Variants in ANKRD28 observed in about 807,000 individuals in gnomAD.
The protein encoded by ANKRD28 is serine/threonine-protein phosphatase 6 regulatory ankyrin repeat subunit A.
Under a neutral mutation model 126.5 loss-of-function variants are expected in ANKRD28, and 44 were observed. The observed-to-expected ratio is 0.35, with a 90% CI of 0.27 to 0.45. The LOEUF (loss-of-function observed/expected upper bound fraction) is 0.45. ANKRD28 is among the 20% of genes least tolerant of loss of function. The pLI is 1.00. For synonymous variants in ANKRD28, 442 were observed against 468.5 expected (o/e 0.94, Z 0.73); for missense variants, 1,110 against 1,316.6 (o/e 0.84, Z 2.43).
At chr3:15,698,494 T>C (rs1240589601) in intron 14 of ANKRD28, among the ~76,000 whole-genome samples, 2 of 152,178 alleles carry the variant, frequency 1.3e-5, no homozygotes, top group East Asian at 1.9e-4. Flanking sequence ...GAAAACCCCA[T>C]CGTCTCAGCT....
chr3:15,852,037 G>A (rs778153689), intron 1 of ANKRD28, among the ~76,000 whole-genome samples: 2 of 152,196 alleles, frequency 1.3e-5, no homozygotes, highest in South Asian at 2.1e-4. Flanking sequence ...AATAGTAGTC[G>A]TCAAGAAGCT....
At chr3:15,688,581 ATAGC>A (rs1248413449) in intron 18 of ANKRD28, among the ~76,000 whole-genome samples, 8 of 152,236 alleles carry the variant, frequency 5.3e-5, no homozygotes, top group Non-Finnish European at 2.9e-5. Flanking sequence ...TGAACATCTG[ATAGC>A]TTTGAAGGGC....
At chr3:15,713,862 T>C (rs79301701) in intron 9 of ANKRD28, among the ~76,000 whole-genome samples, 3,931 of 152,316 alleles carry the variant, frequency 0.026, 79 homozygotes, top group Non-Finnish European at 0.04. Flanking sequence ...AGTAGATTTT[T>C]AAATTGACAA....
At chr3:15,692,083 T>C (rs1190330844) in intron 17 of ANKRD28, among the ~76,000 whole-genome samples, 2 of 147,320 alleles carry the variant, frequency 1.4e-5, no homozygotes, top group South Asian at 2.1e-4. Context: ...CAGGCTGCAG[T>C]GAGCTGGGAA....
chr3:15,858,102 T>A (rs932855658), intron 1 of ANKRD28, among the ~76,000 whole-genome samples: 2 of 152,244 alleles, frequency 1.3e-5, no homozygotes, highest in Non-Finnish European at 2.9e-5. Flanking sequence ...GTCTGTCCTA[T>A]CCAATACAAT....
chr3:15,713,739 TAATA>T, intron 9 of ANKRD28, 98 bp from the exon 10 acceptor site: 1 of 645,924 alleles, frequency 1.5e-6, no homozygotes, highest in South Asian at 2.9e-5. Context: ...ACATACAAAC[TAATA>T]GATACAGCAA....
At chr3:15,700,739 A>C (rs2070457238) in intron 14 of ANKRD28, among the ~76,000 whole-genome samples, 1 of 152,118 alleles carries the variant, frequency 6.6e-6, no homozygotes, top group Non-Finnish European at 1.5e-5. Flanking sequence ...GCGCCACTGC[A>C]CTCCAGCCTG....
At chr3:15,799,862 T>C (rs960564505), upstream of ANKRD28, among the ~76,000 whole-genome samples, 1 of 152,074 alleles carries the variant, frequency 6.6e-6, no homozygotes, top group African/African-American at 2.4e-5. Flanking sequence ...TTCTTCCACC[T>C]ATAAATAATT....
intron 1 of ANKRD28, among the ~76,000 whole-genome samples, chr3:15,848,846 G>A (rs944998239): frequency 3.3e-5 from 5 of 152,070 alleles, no homozygotes; most frequent in South Asian, 4.2e-4. Flanking sequence ...ACTGAACACC[G>A]TACTGGAGGT....
intron 27 of ANKRD28, among the ~76,000 whole-genome samples, chr3:15,672,780 G>A (rs2066508184): frequency 6.6e-6 from 1 of 152,002 alleles, no homozygotes; most frequent in African/African-American, 2.4e-5. Context: ...TCCTCTGCAT[G>A]GGGGTTATTT....
chr3:15,780,608 G>C (rs1374364646), intron 2 of ANKRD28, among the ~76,000 whole-genome samples: 1 of 152,012 alleles, frequency 6.6e-6, no homozygotes, highest in Admixed American at 6.6e-5. Flanking sequence ...ACCATGAATA[G>C]TTAAAAACAA....
chr3:15,783,838 C>A (rs2059648359), intron 2 of ANKRD28, among the ~76,000 whole-genome samples: 1 of 151,844 alleles, frequency 6.6e-6, no homozygotes, highest in African/African-American at 2.4e-5. Flanking sequence ...CAGGAGAACA[C>A]TAACAGGAAA....
In ANKRD28 at chr3:15,686,139, G is replaced by A; in HGVS notation, c.2052-20C>T. 1 of 1,607,478 alleles carries A rather than the reference G, an allele frequency of 6.2e-7. No homozygotes were observed. The highest frequency in any genetic ancestry group is 8.5e-7 in the Non-Finnish European group (1 of 1,175,874). ...GGCGTCCTGAGCAACAACAGGAATA[G>A]GTTCAGTGCTGTCACTTAAGACTGT... On this transcript the variant is annotated intron_variant, in intron 19 of 27. Transcript: ENST00000683139.
intron 1 of ANKRD28, among the ~76,000 whole-genome samples, chr3:15,834,097 T>C (rs779791299): frequency 4.6e-5 from 7 of 152,176 alleles, no homozygotes; most frequent in Non-Finnish European, 8.8e-5. Flanking sequence ...GTCTCATTTG[T>C]GTATTTTTGT....
intron 2 of ANKRD28, among the ~76,000 whole-genome samples, chr3:15,768,948 A>T (rs2058873898): frequency 6.6e-6 from 1 of 152,222 alleles, no homozygotes; most frequent in Non-Finnish European, 1.5e-5. Context: ...GAGCTAACAC[A>T]GAACCACTAA....
chr3:15,742,451 C>T (rs1428328758), intron 4 of ANKRD28, among the ~76,000 whole-genome samples: 7 of 147,496 alleles, frequency 4.7e-5, no homozygotes, highest in Non-Finnish European at 7.5e-5. Flanking sequence ...AGGTGAGGAG[C>T]GTCTCTGCCC....
At chr3:15,748,534 CT>C (rs1419948937) in intron 4 of ANKRD28, among the ~76,000 whole-genome samples, 1 of 152,220 alleles carries the variant, frequency 6.6e-6, no homozygotes, top group Non-Finnish European at 1.5e-5. Flanking sequence ...TCCCTTCTAG[CT>C]TTGTAGGGCT....
At chr3:15,690,340 A>C (rs986105839) in intron 17 of ANKRD28, 120 bp from the exon 18 acceptor site, 1 of 791,364 alleles carries the variant, frequency 1.3e-6, no homozygotes, top group African/African-American at 1.7e-5. Context: ...GAGATAATCC[A>C]AACTTCTACA....
At chr3:15,757,134 A>G (rs1179993390) in intron 3 of ANKRD28, among the ~76,000 whole-genome samples, 1 of 152,084 alleles carries the variant, frequency 6.6e-6, no homozygotes, top group Non-Finnish European at 1.5e-5. Context: ...TTTTCTTAGT[A>G]TTTTCATTTT....
Sources: allele counts gnomAD v4.1 joint callset (sites outside exome capture counted in the v4.1 genomes callset), GRCh38; gene constraint gnomAD v4.1.1; transcripts MANE v1.5; gene names NCBI Gene and HGNC (gene_info 2026-07-23, HGNC 2026-07-21).